The following SYNE1 variants were observed in gnomAD, a reference collection of about 807,000 sequenced individuals.
SYNE1 encodes the protein nesprin-1.
A neutral mutation model predicts 1,111.0 loss-of-function variants in SYNE1; 616 were observed. The ratio of observed to expected loss-of-function variants is 0.55; its 90% CI spans 0.52 to 0.59. The LOEUF is 0.59. Ranked by LOEUF, SYNE1 falls within the 20% of genes least tolerant of loss-of-function variation. The pLI is 0.00. For missense variants in SYNE1, 10,006 were observed against 10,417.0 expected (o/e 0.96, Z 1.72); for synonymous variants, 3,855 against 3,825.8 (o/e 1.01, Z -0.28).
At chr6:152,385,992 C>A in intron 54 of SYNE1, among the ~76,000 whole-genome samples, 154 bp from the exon 55 acceptor site, 1 of 152,134 alleles carries the variant, frequency 6.6e-6, no homozygotes, top group East Asian at 1.9e-4. Context: ...TAAGAAGAAA[C>A]TATCAAATTT....
chr6:152,152,454 T>TA (rs2060607510), intron 133 of SYNE1, among the ~76,000 whole-genome samples: 1 of 152,002 alleles, frequency 6.6e-6, no homozygotes, highest in Admixed American at 6.6e-5. Context: ...GCTTTAAAAA[T>TA]AATTAATGTC....
At position 152,625,414 on chromosome 6, in the gene SYNE1, T is replaced by C. The variant is rs77229080; in HGVS notation, c.67+2851A>G. Among the ~76,000 whole-genome samples, 1,030 of 152,332 alleles carry C rather than the reference T, an allele frequency of 6.8e-3. 12 individuals are homozygous for C. The highest frequency in any genetic ancestry group is 0.024 in the African/African-American group (988 of 41,568). On this transcript the variant is annotated intron_variant, in intron 3 of 145. Coordinates refer to ENST00000367255, the MANE Select transcript of SYNE1 (RefSeq NM_182961.4). ...TGTGAAGTCACACTCGCCAGATCAC[T>C]TTCACTTCCTGCCATTTCACCCAGT...
chr6:152,244,394 T>C, intron 106 of SYNE1, 143 bp downstream of exon 106: 1 of 1,233,818 alleles, frequency 8.1e-7, no homozygotes, highest in Non-Finnish European at 1.2e-6. Flanking sequence ...CTTCAGAAAA[T>C]TTTCTAAGAG....
intron 141 of SYNE1, among the ~76,000 whole-genome samples, chr6:152,135,770 A>G (rs933750648): frequency 6.6e-6 from 1 of 152,218 alleles, no homozygotes; most frequent in Admixed American, 6.5e-5. Context: ...TGGGGCACAT[A>G]TAAACCTGGA....
chr6:152,435,334 T>C (rs1046068264), intron 33 of SYNE1: 5 of 152,078 alleles, frequency 3.3e-5, no homozygotes, highest in Admixed American at 6.5e-5. Flanking sequence ...CTCCAAACTT[T>C]TTTGTATATT....
chr6:152,296,848 G>GTCCAGGCCTCTGTAGTCCC (rs1562868880), intron 93 of SYNE1, among the ~76,000 whole-genome samples: 1 of 151,430 alleles, frequency 6.6e-6, no homozygotes. Context: ...AGCAGGAGCT[G>GTCCAGGCCTCTGTAGTCCC]TCCAGGCCTC....
intron 3 of SYNE1, among the ~76,000 whole-genome samples, chr6:152,544,732 A>G (rs891132501): frequency 6.6e-6 from 1 of 152,214 alleles, no homozygotes; most frequent in African/African-American, 2.4e-5. Context: ...ATGACAGTTC[A>G]CATGGTTTTC....
In SYNE1 at chr6:152,399,601, C is replaced by G. The variant is rs746973605; in HGVS notation, c.7237+15G>C. The stretch of plus-strand genomic sequence containing the variant: ...CGGAAACAAACTACTCATGCTAAGG[C>G]CCCTCAGAACTCACCACTGAAGTGT... On this transcript the variant is annotated intron_variant, in intron 48 of 145. Transcript: ENST00000367255. 2 of 1,613,804 alleles carry G rather than the reference C, an allele frequency of 1.2e-6. No homozygotes were observed. The highest frequency in any genetic ancestry group is 1.7e-6 in the Non-Finnish European group (2 of 1,179,854).
intron 47 of SYNE1, among the ~76,000 whole-genome samples, chr6:152,400,536 G>T (rs2154149352): frequency 6.6e-6 from 1 of 152,186 alleles, no homozygotes; most frequent in East Asian, 1.9e-4. Flanking sequence ...GGTGGTGGGT[G>T]CCTGTAGTTC....
At chr6:152,188,048 G>A (rs2070761775) in intron 128 of SYNE1, among the ~76,000 whole-genome samples, 1 of 152,086 alleles carries the variant, frequency 6.6e-6, no homozygotes, top group South Asian at 2.1e-4. Flanking sequence ...TTTATACATT[G>A]TTTTTACCTG....
At chr6:152,491,523 A>T (rs375923148) in intron 11 of SYNE1, among the ~76,000 whole-genome samples, 1 of 152,080 alleles carries the variant, frequency 6.6e-6, no homozygotes, top group African/African-American at 2.4e-5. Flanking sequence ...CGCCTGACCT[A>T]AAACCTTACT....
At chr6:152,260,347 A>T (rs1443440102) in intron 101 of SYNE1, among the ~76,000 whole-genome samples, 7 of 152,312 alleles carry the variant, frequency 4.6e-5, no homozygotes, top group Admixed American at 6.5e-5. Context: ...AGGACATTTT[A>T]TCAGGGATTT....
intron 135 of SYNE1, among the ~76,000 whole-genome samples, chr6:152,150,454 G>A (rs1253631325): frequency 4.6e-5 from 7 of 152,326 alleles, no homozygotes; most frequent in South Asian, 2.1e-4. Flanking sequence ...ATGTTGATTC[G>A]CCTGTGAGAT....
At chr6:152,598,149 G>A (rs1029064562) in intron 3 of SYNE1, among the ~76,000 whole-genome samples, 2 of 152,064 alleles carry the variant, frequency 1.3e-5, no homozygotes, top group Admixed American at 6.5e-5. Context: ...TATAGCTCCC[G>A]TGATTCCCAT....
chr6:152,370,968 C>T (rs9383620), intron 59 of SYNE1, among the ~76,000 whole-genome samples: 11,837 of 152,182 alleles, frequency 0.078, 503 homozygotes, highest in East Asian at 0.18. Context: ...GAGTATTCTA[C>T]CAAAATTTAG....
intron 53 of SYNE1, among the ~76,000 whole-genome samples, chr6:152,389,097 T>C (rs796078620): frequency 2.6e-5 from 4 of 152,276 alleles, no homozygotes; most frequent in African/African-American, 9.6e-5. Context: ...AAAAAAACCC[T>C]CCAAATTGTT....
At chr6:152,331,967 C>A in intron 77 of SYNE1, 77 bp from the exon 78 acceptor site, 1 of 1,585,036 alleles carries the variant, frequency 6.3e-7, no homozygotes, top group Admixed American at 1.7e-5. Context: ...TGCTAAATTA[C>A]ACTTCACCAT....
chr6:152,571,635 AC>A (rs1250419641), intron 3 of SYNE1, among the ~76,000 whole-genome samples: 1 of 152,166 alleles, frequency 6.6e-6, no homozygotes, highest in Non-Finnish European at 1.5e-5. Context: ...GTGTGATTTA[AC>A]CCAAAATCCG....
At position 152,620,714 on chromosome 6, in the gene SYNE1, T is replaced by A. The variant is rs140869620; in HGVS notation, c.67+7551A>T. ...AACCCATCATCTGTCTCTTGACTTG[T>A]CAAAAATAACCTCTATTCCGGCCTC... On this transcript the variant is annotated intron_variant, in intron 3 of 145. Coordinates refer to ENST00000367255, the MANE Select transcript of SYNE1 (RefSeq NM_182961.4). 1.6e-3 allele frequency among the ~76,000 whole-genome samples: 242 copies of A among 152,272 alleles called. 1 individual carries two copies. Among genetic ancestry groups the A allele is most frequent in the African/African-American group, 5.7e-3 (235 of 41,554 alleles).
Sources: allele counts gnomAD v4.1 joint callset (sites outside exome capture counted in the v4.1 genomes callset), GRCh38; gene constraint gnomAD v4.1.1; transcripts MANE v1.5; gene names NCBI Gene and HGNC (gene_info 2026-07-23, HGNC 2026-07-21).